PIK3C3: variants seen among roughly 807,000 people sequenced by gnomAD.
PIK3C3 encodes PI3-kinase type 3.
Under a neutral mutation model 126.1 loss-of-function variants are expected in PIK3C3, and 95 were observed. That is an observed-to-expected ratio of 0.75 (90% CI 0.64 to 0.89). The LOEUF (loss-of-function observed/expected upper bound fraction) is 0.89. Ranked by LOEUF, PIK3C3 falls within the 40% of genes least tolerant of loss-of-function variation. PIK3C3 has a pLI of 0.00. For synonymous variants in PIK3C3, 374 were observed against 360.0 expected (o/e 1.04, Z -0.44); for missense variants, 829 against 1,063.2 (o/e 0.78, Z 3.06).
At chr18:42,014,841 A>G (rs528111219) in intron 11 of PIK3C3, among the ~76,000 whole-genome samples, 1 of 152,302 alleles carries the variant, frequency 6.6e-6, no homozygotes, top group Non-Finnish European at 1.5e-5. Context: ...AAAGAGGAAA[A>G]TAATTTTTCT....
intron 10 of PIK3C3, among the ~76,000 whole-genome samples, chr18:42,011,746 C>T (rs1982836098): frequency 6.6e-6 from 1 of 151,974 alleles, no homozygotes; most frequent in Non-Finnish European, 1.5e-5. Flanking sequence ...GCCTTCTTCA[C>T]TAAGCTTAAT....
At chr18:41,986,707 C>T (rs1262650805) in intron 4 of PIK3C3, among the ~76,000 whole-genome samples, 2 of 152,020 alleles carry the variant, frequency 1.3e-5, no homozygotes, top group Admixed American at 1.3e-4. Context: ...CCAGAGCCAC[C>T]ACGATATTTA....
intron 21 of PIK3C3, chr18:42,050,501 C>T (rs1338967885): frequency 6.6e-6 from 1 of 152,200 alleles, no homozygotes; most frequent in African/African-American, 2.4e-5. Context: ...TCCTCTACTA[C>T]CTGCCTAAAA....
At chr18:42,077,349 T>C (rs1464044540) in intron 24 of PIK3C3, among the ~76,000 whole-genome samples, 1 of 152,244 alleles carries the variant, frequency 6.6e-6, no homozygotes, top group Admixed American at 6.5e-5. Context: ...CTCTGTAGCA[T>C]GTGATGCTGT....
intron 10 of PIK3C3, among the ~76,000 whole-genome samples, chr18:42,010,264 T>G (rs1241270325): frequency 6.6e-6 from 1 of 152,188 alleles, no homozygotes; most frequent in Non-Finnish European, 1.5e-5. Context: ...TGTTCAAGTT[T>G]TAGCATGAGA....
At chr18:41,986,993 G>C (rs1384348447) in intron 4 of PIK3C3, among the ~76,000 whole-genome samples, 2 of 152,028 alleles carry the variant, frequency 1.3e-5, no homozygotes, top group African/African-American at 2.4e-5. Context: ...AGTGTTTGCT[G>C]TTCTTATAGG....
intron 22 of PIK3C3, among the ~76,000 whole-genome samples, chr18:42,064,502 A>T (rs1985452171): frequency 6.6e-6 from 1 of 152,194 alleles, no homozygotes; most frequent in Non-Finnish European, 1.5e-5. Context: ...TTATTAGATG[A>T]TTACTCCAAA....
chr18:41,978,845 A>C (rs1245382430), intron 4 of PIK3C3, among the ~76,000 whole-genome samples: 1 of 152,102 alleles, frequency 6.6e-6, no homozygotes, highest in African/African-American at 2.4e-5. Flanking sequence ...TTACATGATG[A>C]ATGAATATTG....
At chr18:41,987,648 A>G (rs145688732) in intron 4 of PIK3C3, among the ~76,000 whole-genome samples, 164 bp from the exon 5 acceptor site, 126 of 152,220 alleles carry the variant, frequency 8.3e-4, no homozygotes, top group Admixed American at 2.0e-3. Flanking sequence ...TTTAAAAAAT[A>G]ATGATTTGTC....
chr18:42,011,498 G>T (rs1406384820), intron 10 of PIK3C3, among the ~76,000 whole-genome samples: 1 of 152,154 alleles, frequency 6.6e-6, no homozygotes, highest in East Asian at 1.9e-4. Context: ...TTATAGAAAT[G>T]GAGAGAATTA....
chr18:41,993,730 T>C (rs1297818880), intron 7 of PIK3C3, among the ~76,000 whole-genome samples: 5 of 152,052 alleles, frequency 3.3e-5, no homozygotes, highest in African/African-American at 9.7e-5. Context: ...ATAACCAGGA[T>C]GAATGCGTGA....
chr18:41,987,191 A>T (rs1212376066), intron 4 of PIK3C3, among the ~76,000 whole-genome samples: 4 of 152,088 alleles, frequency 2.6e-5, no homozygotes, highest in Non-Finnish European at 5.9e-5. Context: ...GGAACTTACC[A>T]GGAATTCTCT....
intron 20 of PIK3C3, among the ~76,000 whole-genome samples, chr18:42,047,660 C>A (rs1422143596): frequency 6.6e-6 from 1 of 152,148 alleles, no homozygotes; most frequent in Admixed American, 6.5e-5. Flanking sequence ...TTCTTATGTT[C>A]ATCAATACAC....
At position 41,955,455 on chromosome 18, in the gene PIK3C3, C is replaced by G. The variant is rs73454593; in HGVS notation, c.68+96C>G. 9.8e-3 allele frequency: 10,189 copies of G among 1,039,968 alleles called. 603 individuals carry two copies. The African/African-American group carries it at 0.13, about 14-fold the overall frequency. 64.4% of individuals were successfully genotyped at this position (1,039,968 alleles called of 1,614,324 possible). ...AGTGAGAGGCAGAAAGTACGTGACT[C>G]GTCTCAAGGCCCAGATTGGGGGCGG... is the stretch of plus-strand genomic sequence containing the variant. On this transcript the variant is annotated intron_variant, in intron 1 of 24. Transcript: ENST00000262039.
Position 41,996,671 on chromosome 18 carries a change from A to G in PIK3C3, c.925A>G (p.Thr309Ala), listed in dbSNP as rs746067866. ...IVSYPPTKQL[T>A]YEEQDLVWKF... is the part of the protein sequence containing the mutation. ...GAGTTATCCACCAACCAAGCAACTT[A>G]CATATGAAGAACAAGATCTTGTTTG... Residue 309 changes from threonine (T) to alanine (A), a missense_variant, in exon 9 of 25, where the codon ACA (threonine) becomes GCA (alanine). Thr to Ala is a moderately conservative substitution (Grantham distance 58). Transcript: ENST00000262039. The G allele has an allele frequency of 6.3e-7, 1 of 1,577,588 alleles. No homozygotes were observed. Among genetic ancestry groups the G allele is most frequent in the Admixed American group, 1.8e-5 (1 of 55,222 alleles).
Position 42,002,710 on chromosome 18 carries a change from T to A in PIK3C3, c.985-1646T>A, listed in dbSNP as rs1456252816. Among the ~76,000 whole-genome samples, 6 of 152,288 alleles carry A rather than the reference T, an allele frequency of 3.9e-5. No homozygotes were observed. The East Asian group carries it at 9.6e-4, about 24-fold the overall frequency. On this transcript the variant is annotated intron_variant, in intron 9 of 24. Transcript: ENST00000262039. ...GGGTATTTCTGCTAACAATAGGAAATTTGTGCTAAGATCACTTCCAACTTG... is the reference window on the plus strand; with the variant it reads ...GGGTATTTCTGCTAACAATAGGAAAATTGTGCTAAGATCACTTCCAACTTG...
At chr18:41,956,013 A>G (rs530783696) in intron 1 of PIK3C3, among the ~76,000 whole-genome samples, 1 of 146,298 alleles carries the variant, frequency 6.8e-6, no homozygotes, top group South Asian at 2.4e-4. Flanking sequence ...TCTTGAGATG[A>G]GGATAATAGA....
At position 42,081,408 on chromosome 18, in the gene PIK3C3, T is replaced by C. The variant is rs927114784; in HGVS notation, c.*271T>C. 7 of 355,076 alleles carry C rather than the reference T, an allele frequency of 2.0e-5. No homozygotes were observed. Among genetic ancestry groups the C allele is most frequent in the Non-Finnish European group, 1.0e-5 (2 of 197,742 alleles). 22.0% of individuals were successfully genotyped at this position (355,076 alleles called of 1,614,324 possible). A position where few individuals can be genotyped will look rare whatever the true frequency, so the allele number is the denominator to read the frequency against. Reference sequence around the variant, plus strand: ...AATTAAGAAATGAGAAACATTCTTATTTATGTACATGTTATGAGAGTTCTG... The same window carrying C: ...AATTAAGAAATGAGAAACATTCTTACTTATGTACATGTTATGAGAGTTCTG... On this transcript the variant is annotated 3_prime_UTR_variant, in exon 25 of 25. Coordinates refer to ENST00000262039, the MANE Select transcript of PIK3C3 (RefSeq NM_002647.4).
intron 24 of PIK3C3, among the ~76,000 whole-genome samples, chr18:42,076,209 C>CGT (rs1409936013): frequency 1.5e-5 from 2 of 131,174 alleles, no homozygotes; most frequent in Non-Finnish European, 1.6e-5. Flanking sequence ...TATATATATG[C>CGT]ACATATATAT....
Sources: gnomAD v4.1 joint callset for allele counts (sites outside exome capture counted in the v4.1 genomes callset) on GRCh38, gnomAD v4.1.1 for gene constraint, MANE v1.5 for transcripts, NCBI Gene and HGNC (gene_info 2026-07-23, HGNC 2026-07-21) for gene names.